Variants in GALNT13 observed in about 807,000 individuals in gnomAD.
GALNT13 encodes the protein UDP-GalNAc:polypeptide N-acetylgalactosaminyltransferase 13.
In GALNT13, 28 loss-of-function variants were observed where a neutral mutation model predicts 64.2. That is an observed-to-expected ratio of 0.44 (90% CI 0.32 to 0.60). The LOEUF is 0.60. Ranked by LOEUF, GALNT13 falls within the 20% of genes least tolerant of loss-of-function variation. GALNT13 has a pLI of 0.05. For missense variants in GALNT13, 577 were observed against 669.8 expected (o/e 0.86, Z 1.53); for synonymous variants, 214 against 224.6 (o/e 0.95, Z 0.42).
At chr2:153,927,028 A>G (rs1339147340) in intron 2 of GALNT13, among the ~76,000 whole-genome samples, 1 of 152,062 alleles carries the variant, frequency 6.6e-6, no homozygotes, top group African/African-American at 2.4e-5. Context: ...TTTTAAAAAT[A>G]GTGTCATAAT....
At chr2:153,736,650 A>G in the GALNT13 span, among the ~76,000 whole-genome samples, 1 of 152,136 alleles carries the variant, frequency 6.6e-6, no homozygotes, top group East Asian at 1.9e-4. Flanking sequence ...TCATTTATCC[A>G]TCTATTTCTC....
At chr2:154,252,959 A>G (rs1189902095) in intron 7 of GALNT13, among the ~76,000 whole-genome samples, 1 of 152,222 alleles carries the variant, frequency 6.6e-6, no homozygotes, top group African/African-American at 2.4e-5. Flanking sequence ...GAAATATTAC[A>G]TATCTGAAAA....
rs1703109779 is a variant in GALNT13, at chr2:154,113,610, T to C, written c.143-26727T>C. On this transcript the variant is annotated intron_variant, in intron 3 of 12. Transcript: ENST00000392825. ...GAAGGTCCCTGAAATTCAGTTGGAT[T>C]TATTTCCCATCCTCTGGCACTCAAA... Among the ~76,000 whole-genome samples the C allele has an allele frequency of 2.0e-5, 3 of 152,224 alleles. No individual in the cohort carries two copies. The South Asian group carries it at 6.2e-4, about 31-fold the overall frequency.
chr2:153,076,308 T>G, the GALNT13 span, among the ~76,000 whole-genome samples: 1 of 152,130 alleles, frequency 6.6e-6, no homozygotes, highest in Non-Finnish European at 1.5e-5. Flanking sequence ...CTTTCCATTT[T>G]TTTCCTTTCT....
chr2:153,720,376 A>T, the GALNT13 span, among the ~76,000 whole-genome samples: 1 of 150,688 alleles, frequency 6.6e-6, no homozygotes, highest in Non-Finnish European at 1.5e-5. Context: ...CAGAGCAGAA[A>T]AACTGGAAAC....
intron 3 of GALNT13, among the ~76,000 whole-genome samples, chr2:154,119,158 G>T (rs570200907): frequency 3.9e-5 from 6 of 152,086 alleles, no homozygotes; most frequent in Admixed American, 6.5e-5. Context: ...GTCTACAAAA[G>T]TTCTTATTTC....
At chr2:153,511,448 C>T in the GALNT13 span, among the ~76,000 whole-genome samples, 3 of 151,964 alleles carry the variant, frequency 2.0e-5, no homozygotes, top group Non-Finnish European at 2.9e-5. Flanking sequence ...ATGTGGAACT[C>T]CTTTTCAGAT....
chr2:153,615,305 C>A, the GALNT13 span, among the ~76,000 whole-genome samples: 2 of 152,152 alleles, frequency 1.3e-5, no homozygotes, highest in South Asian at 2.1e-4. Context: ...TTTCAAATCT[C>A]AGCTATTGTA....
chr2:153,699,529 C>CA, the GALNT13 span, among the ~76,000 whole-genome samples: 610 of 151,360 alleles, frequency 4.0e-3, 6 homozygotes, highest in African/African-American at 0.014. Context: ...AAAAATCCTT[C>CA]AAAAAATCAA....
chr2:154,231,012 T>G (rs1688886554), intron 4 of GALNT13, among the ~76,000 whole-genome samples: 1 of 152,052 alleles, frequency 6.6e-6, no homozygotes, highest in African/African-American at 2.4e-5. Flanking sequence ...AACCTGAACT[T>G]TAGACAAAAC....
At chr2:154,378,151 C>G (rs538962863) in intron 9 of GALNT13, among the ~76,000 whole-genome samples, 1 of 152,246 alleles carries the variant, frequency 6.6e-6, no homozygotes, top group African/African-American at 2.4e-5. Context: ...AACGCCAATT[C>G]TCTGTAAAGG....
the GALNT13 span, among the ~76,000 whole-genome samples, chr2:153,578,577 A>G: frequency 7.9e-4 from 121 of 152,340 alleles, 1 homozygote; most frequent in African/African-American, 2.8e-3. Context: ...AAAGAGCGTA[A>G]GATCTAAAGG....
chr2:153,411,177 ATATTT>A, the GALNT13 span, among the ~76,000 whole-genome samples: 1 of 112,590 alleles, frequency 8.9e-6, no homozygotes, highest in South Asian at 3.7e-4. Flanking sequence ...ATATATATAT[ATATTT>A]TTTTTTTTTC....
chr2:153,097,981 G>A, the GALNT13 span, among the ~76,000 whole-genome samples: 23 of 152,234 alleles, frequency 1.5e-4, no homozygotes, highest in East Asian at 5.8e-4. Context: ...CAAGGGAATC[G>A]CTTGAACCCA....
the GALNT13 span, among the ~76,000 whole-genome samples, chr2:153,250,301 A>G: frequency 2.0e-5 from 3 of 152,282 alleles, no homozygotes; most frequent in Admixed American, 6.5e-5. Flanking sequence ...ATCGCTGGTC[A>G]TTAGAGAAAC....
intron 4 of GALNT13, among the ~76,000 whole-genome samples, chr2:154,225,462 G>T (rs1050463412): frequency 2.0e-5 from 3 of 151,946 alleles, no homozygotes; most frequent in Non-Finnish European, 4.4e-5. Flanking sequence ...AACTGTATAT[G>T]AATTTACCTT....
the GALNT13 span, among the ~76,000 whole-genome samples, chr2:153,852,043 C>T: frequency 9.9e-5 from 15 of 151,708 alleles, no homozygotes; most frequent in Admixed American, 1.3e-4. Flanking sequence ...AATAACAGAG[C>T]GTTGCAGCTA....
chr2:154,346,491 A>G (rs1225659374), intron 9 of GALNT13, among the ~76,000 whole-genome samples: 3 of 152,028 alleles, frequency 2.0e-5, no homozygotes, highest in Non-Finnish European at 2.9e-5. Flanking sequence ...TGGTTTCCCC[A>G]TACTGTTCTC....
chr2:153,975,385 A>G (rs564501882), intron 3 of GALNT13, among the ~76,000 whole-genome samples: 87 of 152,106 alleles, frequency 5.7e-4, no homozygotes, highest in African/African-American at 1.9e-3. Context: ...ACTGACTTAC[A>G]TGGTCTGGCA....
Sources: gnomAD v4.1 joint callset for allele counts (sites outside exome capture counted in the v4.1 genomes callset) on GRCh38, gnomAD v4.1.1 for gene constraint, MANE v1.5 for transcripts, NCBI Gene and HGNC (gene_info 2026-07-23, HGNC 2026-07-21) for gene names.